Variants in XKR6 observed in about 807,000 individuals in gnomAD.
XKR6 encodes the protein XK-related protein 6.
Under a neutral mutation model 56.7 loss-of-function variants are expected in XKR6, and 22 were observed. The ratio of observed to expected loss-of-function variants is 0.39; its 90% CI spans 0.28 to 0.55. The LOEUF (loss-of-function observed/expected upper bound fraction) is 0.55, where lower values mean the gene tolerates loss of function less well. Among genes scored for constraint, XKR6 ranks in the 20% least tolerant of loss-of-function variants. The pLI is 0.66. For synonymous variants in XKR6, 524 were observed against 387.8 expected (o/e 1.35, Z -4.13); for missense variants, 852 against 889.0 (o/e 0.96, Z 0.53).
Position 11,200,668 on chromosome 8 carries a change from G to A in XKR6, c.672C>T (p.Val224=). The A allele has an allele frequency of 2.6e-6, 4 of 1,560,700 alleles. No homozygotes were observed. The highest frequency in any genetic ancestry group is 2.6e-6 in the Non-Finnish European group (3 of 1,163,992). ...GGCGCTGCGCCCCCGGCGTGGGGGA[G>A]ACCCTCACGCCTGGGCCACCGCGGG... ...GAARGGPGVR[V]SPTPGAQRLC... Residue 224 remains valine, a synonymous_variant, in exon 1 of 3, where the codon GTC becomes GTT. Coordinates refer to ENST00000416569, the MANE Select transcript of XKR6 (RefSeq NM_173683.4). This position sits in a 1 kb window ranked among gnomAD's most constrained non-coding sequence, Gnocchi z 6.4.
At chr8:11,153,373 G>A (rs1203133810) in intron 1 of XKR6, among the ~76,000 whole-genome samples, 1 of 152,188 alleles carries the variant, frequency 6.6e-6, no homozygotes, top group South Asian at 2.1e-4. Context: ...CTGAAAATGT[G>A]AGCAGTATCA....
At chr8:11,183,138 A>C (rs7814499) in intron 1 of XKR6, among the ~76,000 whole-genome samples, 1 of 151,906 alleles carries the variant, frequency 6.6e-6, no homozygotes, top group South Asian at 2.1e-4. Context: ...GGTTGCTTCC[A>C]CTTTTGGTTA....
At chr8:11,160,911 CAAAAAAAAAAAAAAA>C (rs33931830) in intron 1 of XKR6, among the ~76,000 whole-genome samples, 1 of 63,778 alleles carries the variant, frequency 1.6e-5, no homozygotes. Flanking sequence ...GACTCCGTCT[CAAAAAAAAAAAAAAA>C]AAAAAGAAAA....
intron 1 of XKR6, among the ~76,000 whole-genome samples, chr8:11,089,749 C>T (rs1798004410): frequency 6.6e-6 from 1 of 152,216 alleles, no homozygotes; most frequent in Non-Finnish European, 1.5e-5. Flanking sequence ...TTGCATAGTT[C>T]TACTTTCAAG....
chr8:10,960,559 C>G (rs906425670), intron 1 of XKR6, among the ~76,000 whole-genome samples: 2 of 152,344 alleles, frequency 1.3e-5, no homozygotes, highest in South Asian at 2.1e-4. Context: ...GGTCAGCTGT[C>G]TGCCACTTCT....
chr8:11,040,340 A>G (rs2129155633), intron 1 of XKR6, among the ~76,000 whole-genome samples: 1 of 149,060 alleles, frequency 6.7e-6, no homozygotes, highest in Non-Finnish European at 1.5e-5. Context: ...GGGGCAACAT[A>G]AGCAGATCTC....
chr8:11,156,896 C>T (rs1042486282), intron 1 of XKR6, among the ~76,000 whole-genome samples: 4 of 152,048 alleles, frequency 2.6e-5, no homozygotes, highest in African/African-American at 7.2e-5. Flanking sequence ...TAGGAACTTG[C>T]TTCCAAGGAA....
At chr8:11,138,065 T>G (rs1800497388) in intron 1 of XKR6, 1 of 200,282 alleles carries the variant, frequency 5.0e-6, no homozygotes, top group Non-Finnish European at 1.0e-5. Flanking sequence ...GTAAACAACA[T>G]TCTTAGGGAG....
At chr8:10,915,971 C>A (rs1455313859) in intron 2 of XKR6, among the ~76,000 whole-genome samples, 5 of 152,244 alleles carry the variant, frequency 3.3e-5, no homozygotes, top group African/African-American at 1.2e-4. Context: ...CAAGGCACTG[C>A]AATGCCATGA....
intron 1 of XKR6, among the ~76,000 whole-genome samples, chr8:11,146,490 A>G (rs1196244838): frequency 6.6e-6 from 1 of 152,156 alleles, no homozygotes; most frequent in African/African-American, 2.4e-5. Context: ...TTAGATGAGC[A>G]TGGTGGCATG....
chr8:11,059,425 G>A (rs914312502), intron 1 of XKR6, among the ~76,000 whole-genome samples: 5 of 152,194 alleles, frequency 3.3e-5, no homozygotes, highest in Non-Finnish European at 7.4e-5. Flanking sequence ...CCCGGCCGAG[G>A]GCAGCGCTCA....
intron 1 of XKR6, among the ~76,000 whole-genome samples, chr8:11,193,393 T>G (rs1175736605): frequency 6.6e-6 from 1 of 152,220 alleles, no homozygotes; most frequent in African/African-American, 2.4e-5. Flanking sequence ...TGTTTTGAGC[T>G]ATATTAAAAT....
At chr8:11,012,261 T>C (rs1191654874) in intron 1 of XKR6, among the ~76,000 whole-genome samples, 3 of 152,190 alleles carry the variant, frequency 2.0e-5, no homozygotes, top group East Asian at 1.9e-4. Flanking sequence ...CCAAGCCCCT[T>C]TGGGACCTCA....
chr8:10,984,201 G>A (rs1586391029), intron 1 of XKR6, among the ~76,000 whole-genome samples: 1 of 152,080 alleles, frequency 6.6e-6, no homozygotes, highest in Admixed American at 6.6e-5. Context: ...GATCAAAAGG[G>A]AAAAATTATA....
intron 1 of XKR6, among the ~76,000 whole-genome samples, chr8:11,007,176 G>A (rs1798389162): frequency 6.6e-6 from 1 of 152,182 alleles, no homozygotes; most frequent in South Asian, 2.1e-4. Context: ...GTATGACCAT[G>A]AGGGATAGGT....
chr8:11,141,626 G>C (rs1778966039), intron 1 of XKR6, among the ~76,000 whole-genome samples: 1 of 152,200 alleles, frequency 6.6e-6, no homozygotes, highest in South Asian at 2.1e-4. Flanking sequence ...TCAGCAACTA[G>C]GCTCCAGTTG....
intron 1 of XKR6, among the ~76,000 whole-genome samples, chr8:11,047,786 T>C (rs966711001): frequency 6.6e-6 from 1 of 152,216 alleles, no homozygotes; most frequent in Non-Finnish European, 1.5e-5. Flanking sequence ...TTAATATATG[T>C]ATTTTACCAT....
chr8:10,983,843 G>A (rs1797790986), intron 1 of XKR6, among the ~76,000 whole-genome samples: 1 of 152,012 alleles, frequency 6.6e-6, no homozygotes, highest in African/African-American at 2.4e-5. Context: ...TTTTCGTTGA[G>A]TTGGGGTTTC....
chr8:11,075,178 A>T (rs1393763601), intron 1 of XKR6, among the ~76,000 whole-genome samples: 1 of 152,160 alleles, frequency 6.6e-6, no homozygotes, highest in Non-Finnish European at 1.5e-5. Context: ...ACTCTGGGGA[A>T]AAAAAGGGTG....
Sources: allele counts gnomAD v4.1 joint callset (sites outside exome capture counted in the v4.1 genomes callset), GRCh38; gene constraint gnomAD v4.1.1; non-coding constraint Gnocchi (gnomAD v3.1); transcripts MANE v1.5; gene names NCBI Gene and HGNC (gene_info 2026-07-23, HGNC 2026-07-21).